The following AREL1 variants were observed in gnomAD, a reference collection of about 807,000 sequenced individuals.
The protein encoded by AREL1 is apoptosis-resistant E3 ubiquitin protein ligase 1.
Under a neutral mutation model 99.0 loss-of-function variants are expected in AREL1, and 62 were observed. The observed-to-expected ratio is 0.63, with a 90% CI of 0.51 to 0.77. The LOEUF is 0.77. AREL1 is among the 30% of genes least tolerant of loss of function. AREL1 has a pLI of 0.00. For synonymous variants in AREL1, 380 were observed against 376.5 expected (o/e 1.01, Z -0.11); for missense variants, 879 against 1,027.6 (o/e 0.86, Z 1.98).
intron 1 of AREL1, among the ~76,000 whole-genome samples, chr14:74,708,845 C>T (rs2090230708): frequency 6.6e-6 from 1 of 152,166 alleles, no homozygotes; most frequent in South Asian, 2.1e-4. Context: ...TTTCTAATAG[C>T]TAAGTGAATA....
chr14:74,662,142 T>A lies in AREL1; in HGVS notation c.*1578A>T, dbSNP rs2089096199. The A allele has an allele frequency of 6.5e-6, 1 of 154,716 alleles. No individual in the cohort carries two copies. The highest frequency in any genetic ancestry group is 1.4e-5 in the Non-Finnish European group (1 of 69,742). 9.6% of individuals were successfully genotyped at this position (154,716 alleles called of 1,614,324 possible). A position where few individuals can be genotyped will look rare whatever the true frequency, so the allele number is the denominator to read the frequency against. On this transcript the variant is annotated 3_prime_UTR_variant, in exon 20 of 20. Coordinates refer to ENST00000356357, the MANE Select transcript of AREL1 (RefSeq NM_001039479.2). Reference sequence around the variant, plus strand: ...CTGGATCCCGGACCCCAAGGATGAGTGAGGTCAGCACCCATGTGCCAAGAA... The same window carrying A: ...CTGGATCCCGGACCCCAAGGATGAGAGAGGTCAGCACCCATGTGCCAAGAA...
At chr14:74,683,195 A>G (rs2089671337) in intron 5 of AREL1, 101 bp downstream of exon 5, 1 of 815,876 alleles carries the variant, frequency 1.2e-6, no homozygotes, top group African/African-American at 1.7e-5. Context: ...TGGCATGGGA[A>G]TTAAATCTCA....
intron 11 of AREL1, among the ~76,000 whole-genome samples, chr14:74,672,358 T>TAGTATATCTGTCTTTTATA (rs113093756): frequency 2.0e-5 from 3 of 152,216 alleles, no homozygotes; most frequent in Admixed American, 6.5e-5. Context: ...TTCAGAAATT[T>TAGTATATCTGTCTTTTATA]AGTATATCTG....
intron 2 of AREL1, among the ~76,000 whole-genome samples, chr14:74,688,443 T>C (rs1217334651): frequency 6.6e-6 from 1 of 152,188 alleles, no homozygotes; most frequent in Admixed American, 6.5e-5. Context: ...TCGGCCATTT[T>C]TCCCCTGTCA....
rs1302036979 is a variant in AREL1 at position 74,713,058 on chromosome 14, C to A, written c.-459G>T. On this transcript the variant is annotated 5_prime_UTR_variant, in exon 1 of 20. Coordinates refer to ENST00000356357, the MANE Select transcript of AREL1 (RefSeq NM_001039479.2). ...GACCCCAGAGTTGGTCTCCACCCGG[C>A]CTGGGAACCGGCTCGGGGGATTGCC... The A allele has an allele frequency of 2.6e-6, 4 of 1,517,330 alleles. No homozygotes were observed. The highest frequency in any genetic ancestry group is 2.7e-5 in the African/African-American group (2 of 73,036). The allele number at this position is 1,517,330 out of a possible 1,614,324, so 94.0% of individuals were successfully genotyped here.
intron 3 of AREL1, 150 bp from the exon 4 acceptor site, chr14:74,684,830 G>A (rs1162827346): frequency 4.4e-6 from 3 of 678,450 alleles, no homozygotes; most frequent in African/African-American, 1.8e-5. Flanking sequence ...CACTACCTCT[G>A]TAGATAAGAA....
intron 5 of AREL1, among the ~76,000 whole-genome samples, chr14:74,682,176 T>C (rs752936094): frequency 4.6e-5 from 7 of 152,154 alleles, no homozygotes; most frequent in Non-Finnish European, 8.8e-5. Context: ...GAGAGACGGC[T>C]TGAGAGCCAC....
Position 74,661,629 on chromosome 14 carries a change from A to C in AREL1, c.*2091T>G, listed in dbSNP as rs1429787093. 1 of 191,140 alleles carries C rather than the reference A, an allele frequency of 5.2e-6. No individual in the cohort carries two copies. Among genetic ancestry groups the C allele is most frequent in the Non-Finnish European group, 1.1e-5 (1 of 90,866 alleles). 11.8% of individuals were successfully genotyped at this position (191,140 alleles called of 1,614,324 possible). A position where few individuals can be genotyped will look rare whatever the true frequency, so the allele number is the denominator to read the frequency against. On this transcript the variant is annotated 3_prime_UTR_variant, in exon 20 of 20. Transcript: ENST00000356357. The stretch of plus-strand genomic sequence containing the variant: ...AGAAAAAAAAAAAACAAAACAGTAA[A>C]AGAAAAGGCCCAAGAGAGCAAAGAT...
chr14:74,677,012 G>A (rs915729459), intron 5 of AREL1, among the ~76,000 whole-genome samples: 3 of 151,892 alleles, frequency 2.0e-5, no homozygotes, highest in Non-Finnish European at 2.9e-5. Flanking sequence ...TGTTAGCCAG[G>A]ATAGTCTCGA....
intron 1 of AREL1, among the ~76,000 whole-genome samples, chr14:74,696,976 A>G (rs1485353877): frequency 6.6e-6 from 1 of 152,082 alleles, no homozygotes; most frequent in African/African-American, 2.4e-5. Flanking sequence ...AAAATAAAAT[A>G]AAATAATAAA....
chr14:74,712,079 AAAG>A (rs2090320500), intron 1 of AREL1: 1 of 78,086 alleles, frequency 1.3e-5, no homozygotes, highest in African/African-American at 3.2e-5. Context: ...AAAAAAAAAG[AAAG>A]AAAGAAAGAA....
At chr14:74,711,253 AT>A (rs1325654732) in intron 1 of AREL1, among the ~76,000 whole-genome samples, 1 of 118,822 alleles carries the variant, frequency 8.4e-6, no homozygotes, top group Non-Finnish European at 1.7e-5. Flanking sequence ...AAAAAAAAAA[AT>A]TGGGGCTTGG....
chr14:74,667,647 T>C, intron 15 of AREL1, 53 bp from the exon 16 acceptor site: 1 of 1,545,450 alleles, frequency 6.5e-7, no homozygotes, highest in East Asian at 2.3e-5. Context: ...TGGAAATTTA[T>C]GAGATGACAT....
intron 1 of AREL1, among the ~76,000 whole-genome samples, chr14:74,707,228 C>T (rs1301882971): frequency 1.3e-5 from 2 of 151,720 alleles, no homozygotes; most frequent in South Asian, 2.1e-4. Context: ...ATTAGCCAGG[C>T]GTGGTGGCAG....
chr14:74,689,514 C>T (rs1002514020), intron 2 of AREL1, among the ~76,000 whole-genome samples: 5 of 151,730 alleles, frequency 3.3e-5, no homozygotes, highest in Non-Finnish European at 4.4e-5. Context: ...AAAATCTTCC[C>T]TAATATTAAA....
Position 74,663,957 on chromosome 14 carries a change from G to C in AREL1, c.2311C>G (p.Pro771Ala). 6.2e-7 allele frequency: 1 copy of C among 1,614,142 alleles called. No homozygotes were observed. The highest frequency in any genetic ancestry group is 8.5e-7 in the Non-Finnish European group (1 of 1,180,000). ...LPPGGFAALC[P>A]SFQIIAAPTH... The stretch of plus-strand genomic sequence containing the variant: ...GGAGCGGCAATAATCTGAAATGAGG[G>C]ACAGAGGGCGGCAAAGCCTCCAGGT... Residue 771 changes from proline (P) to alanine (A), a missense_variant, in exon 19 of 20, where the codon CCC (proline) becomes GCC (alanine). Coordinates refer to ENST00000356357, the MANE Select transcript of AREL1 (RefSeq NM_001039479.2).
Position 74,713,049 on chromosome 14 carries a change from TCCAC to T in AREL1, c.-454_-451del. 1 of 1,443,584 alleles carries T rather than the reference TCCAC, an allele frequency of 6.9e-7. No individual in the cohort carries two copies. Among genetic ancestry groups the T allele is most frequent in the East Asian group, 2.3e-5 (1 of 43,990 alleles). The allele number at this position is 1,443,584 out of a possible 1,614,324, so 89.4% of individuals were successfully genotyped here. Reference sequence around the variant, plus strand: ...CCACCAACAGACCCCAGAGTTGGTCTCCACCCGGCCTGGGAACCGGCTCGGGGGA... The same window carrying T: ...CCACCAACAGACCCCAGAGTTGGTCTCCGGCCTGGGAACCGGCTCGGGGGA... On this transcript the variant is annotated 5_prime_UTR_variant, in exon 1 of 20. Transcript: ENST00000356357.
At chr14:74,675,366 A>G (rs1267178255) in intron 8 of AREL1, among the ~76,000 whole-genome samples, 2 of 152,206 alleles carry the variant, frequency 1.3e-5, no homozygotes, top group African/African-American at 4.8e-5. Flanking sequence ...AAACTAACAC[A>G]AAGTGCTTCT....
At chr14:74,693,419 A>G (rs1028314170) in intron 1 of AREL1, among the ~76,000 whole-genome samples, 1 of 152,228 alleles carries the variant, frequency 6.6e-6, no homozygotes, top group Non-Finnish European at 1.5e-5. Flanking sequence ...GAAGATATTC[A>G]TGAACCAAAA....
Sources: gnomAD v4.1 joint callset for allele counts (sites outside exome capture counted in the v4.1 genomes callset) on GRCh38, gnomAD v4.1.1 for gene constraint, MANE v1.5 for transcripts, NCBI Gene and HGNC (gene_info 2026-07-23, HGNC 2026-07-21) for gene names.